The following SEMA5A variants were observed in gnomAD, a reference collection of about 807,000 sequenced individuals.
SEMA5A encodes semaphorin 5A, also known as semaphorin-5A.
Under a neutral mutation model 135.5 loss-of-function variants are expected in SEMA5A, and 55 were observed. That is an observed-to-expected ratio of 0.41 (90% CI 0.33 to 0.51). SEMA5A has a LOEUF of 0.51. Ranked by LOEUF, SEMA5A falls within the 20% of genes least tolerant of loss-of-function variation. SEMA5A has a pLI of 0.37. For synonymous variants in SEMA5A, 580 were observed against 546.5 expected (o/e 1.06, Z -0.85); for missense variants, 1,290 against 1,419.9 (o/e 0.91, Z 1.47).
chr5:9,362,654 A>G (rs989727379), intron 3 of SEMA5A, among the ~76,000 whole-genome samples: 42 of 152,266 alleles, frequency 2.8e-4, no homozygotes, highest in African/African-American at 9.6e-4. Flanking sequence ...TTATATCCCA[A>G]AAAAAGAGGA....
intron 16 of SEMA5A, among the ~76,000 whole-genome samples, chr5:9,100,766 G>A (rs1274953560): frequency 1.3e-5 from 2 of 152,032 alleles, no homozygotes; most frequent in Non-Finnish European, 2.9e-5. Flanking sequence ...TAATGGTTGG[G>A]ATCCTACATG....
intron 2 of SEMA5A, among the ~76,000 whole-genome samples, chr5:9,436,421 C>T (rs1462924173): frequency 1.3e-5 from 2 of 152,188 alleles, no homozygotes; most frequent in African/African-American, 4.8e-5. Context: ...GTTTCTTCTT[C>T]TGCAAAACGT....
intron 19 of SEMA5A, 113 bp downstream of exon 19, chr5:9,053,974 C>T: frequency 2.4e-6 from 3 of 1,260,536 alleles, no homozygotes; most frequent in Non-Finnish European, 2.2e-6. Flanking sequence ...GCTAACTTGC[C>T]CACCCCCCTT....
At position 9,118,695 on chromosome 5, in the gene SEMA5A, G is replaced by A. The variant is rs73045645; in HGVS notation, c.1925+303C>T. On this transcript the variant is annotated intron_variant, in intron 15 of 22. Coordinates refer to ENST00000382496, the MANE Select transcript of SEMA5A (RefSeq NM_003966.3). ...TCACAAGAGTAAGTCTCCTGCAGAC[G>A]TACTTCCAGAGTCTCCAGGAGCCTA... 1.8e-3 allele frequency among the ~76,000 whole-genome samples: 278 copies of A among 152,222 alleles called. 1 individual carries two copies. The highest frequency in any genetic ancestry group is 6.3e-3 in the African/African-American group (263 of 41,536).
At chr5:9,418,308 T>C (rs144512722) in intron 2 of SEMA5A, among the ~76,000 whole-genome samples, 3,867 of 152,202 alleles carry the variant, frequency 0.025, 56 homozygotes, top group South Asian at 0.042. Flanking sequence ...ACTGATCCCA[T>C]CATGAGTGCT....
At chr5:9,375,044 T>C (rs1010019571) in intron 3 of SEMA5A, among the ~76,000 whole-genome samples, 3 of 152,190 alleles carry the variant, frequency 2.0e-5, no homozygotes, top group African/African-American at 7.2e-5. Flanking sequence ...TTTGAAAAGC[T>C]GTTCCCTGCC....
chr5:9,066,706 G>A, intron 16 of SEMA5A, 60 bp from the exon 17 acceptor site: 2 of 1,457,724 alleles, frequency 1.4e-6, no homozygotes, highest in Non-Finnish European at 1.9e-6. Context: ...CCTCACGAAG[G>A]GCTCCTTTCC....
chr5:9,054,289 A>G (rs375464791), intron 18 of SEMA5A, 32 bp from the exon 19 acceptor site: 31 of 1,598,948 alleles, frequency 1.9e-5, no homozygotes, highest in Non-Finnish European at 2.5e-5. Flanking sequence ...CAGCTCTTCT[A>G]TAATCCAATC....
At chr5:9,364,278 T>G (rs1304960319) in intron 3 of SEMA5A, among the ~76,000 whole-genome samples, 1 of 151,304 alleles carries the variant, frequency 6.6e-6, no homozygotes, top group Non-Finnish European at 1.5e-5. Flanking sequence ...CAGACACCTT[T>G]GAGAGTGAAG....
intron 5 of SEMA5A, among the ~76,000 whole-genome samples, chr5:9,277,721 A>C (rs1750332463): frequency 6.6e-6 from 1 of 152,150 alleles, no homozygotes; most frequent in African/African-American, 2.4e-5. Flanking sequence ...AAGAACAGAA[A>C]ACCAAACACC....
chr5:9,484,307 C>T (rs976102534), intron 1 of SEMA5A, among the ~76,000 whole-genome samples: 2 of 152,288 alleles, frequency 1.3e-5, no homozygotes, highest in African/African-American at 2.4e-5. Flanking sequence ...TAGCCACCAA[C>T]ATGATTTCCT....
At chr5:9,484,920 G>A (rs1760020607) in intron 1 of SEMA5A, among the ~76,000 whole-genome samples, 1 of 152,112 alleles carries the variant, frequency 6.6e-6, no homozygotes, top group Non-Finnish European at 1.5e-5. Flanking sequence ...ACCCATGAGT[G>A]GGGCTGCATA....
At chr5:9,453,679 C>A (rs1210000292) in intron 1 of SEMA5A, among the ~76,000 whole-genome samples, 2 of 152,110 alleles carry the variant, frequency 1.3e-5, no homozygotes, top group African/African-American at 4.8e-5. Flanking sequence ...ATATGGTGAC[C>A]AGAGGCTCGC....
At chr5:9,472,822 T>C (rs1759524435) in intron 1 of SEMA5A, among the ~76,000 whole-genome samples, 1 of 151,656 alleles carries the variant, frequency 6.6e-6, no homozygotes, top group Admixed American at 6.6e-5. Context: ...CTAATCTTTA[T>C]TCAAAATTAT....
At chr5:9,487,432 T>C (rs1181885737) in intron 1 of SEMA5A, among the ~76,000 whole-genome samples, 4 of 152,088 alleles carry the variant, frequency 2.6e-5, no homozygotes, top group Non-Finnish European at 5.9e-5. Context: ...ACACCAACCA[T>C]GGGAATCGGC....
At chr5:9,331,742 T>C (rs1006234315) in intron 4 of SEMA5A, among the ~76,000 whole-genome samples, 21 of 152,216 alleles carry the variant, frequency 1.4e-4, no homozygotes, top group Non-Finnish European at 4.4e-5. Flanking sequence ...AATGTTCAAA[T>C]AAACTTGTTA....
At chr5:9,431,720 G>T (rs1757862791) in intron 2 of SEMA5A, among the ~76,000 whole-genome samples, 1 of 152,032 alleles carries the variant, frequency 6.6e-6, no homozygotes, top group Admixed American at 6.6e-5. Flanking sequence ...CAAAAAAAGA[G>T]ATCTTACACA....
intron 11 of SEMA5A, among the ~76,000 whole-genome samples, chr5:9,156,988 A>T (rs1165178125): frequency 1.3e-5 from 2 of 152,254 alleles, no homozygotes; most frequent in African/African-American, 4.8e-5. Flanking sequence ...CATACCTTGT[A>T]TCTGATTTTC....
At chr5:9,269,040 T>G (rs945022491) in intron 5 of SEMA5A, among the ~76,000 whole-genome samples, 1 of 152,086 alleles carries the variant, frequency 6.6e-6, no homozygotes, top group African/African-American at 2.4e-5. Flanking sequence ...GGTTGCAAGA[T>G]CTATAGGCTG....
Sources: allele counts gnomAD v4.1 joint callset (sites outside exome capture counted in the v4.1 genomes callset), GRCh38; gene constraint gnomAD v4.1.1; transcripts MANE v1.5; gene names NCBI Gene and HGNC (gene_info 2026-07-23, HGNC 2026-07-21).